The following TEX2 variants were observed in gnomAD, a reference collection of about 807,000 sequenced individuals.
The protein encoded by TEX2 is testis expressed 2.
Under a neutral mutation model 106.9 loss-of-function variants are expected in TEX2, and 53 were observed. The observed-to-expected ratio is 0.50, with a 90% CI of 0.40 to 0.62. The LOEUF (loss-of-function observed/expected upper bound fraction) is 0.62, where lower values mean the gene tolerates loss of function less well. TEX2 is among the 20% of genes least tolerant of loss of function. The probability of loss-of-function intolerance (pLI) is 0.00; values close to 1 mark genes in which losing one functional copy is unlikely to be tolerated. For missense variants in TEX2, 1,207 were observed against 1,379.0 expected, an observed-to-expected ratio of 0.88 and a Z score of 1.98; for synonymous variants, 523 against 534.8, an observed-to-expected ratio of 0.98 and a Z score of 0.30.
intron 1 of TEX2, among the ~76,000 whole-genome samples, chr17:64,253,463 C>G (rs2034130779): frequency 6.6e-6 from 1 of 152,082 alleles, no homozygotes; most frequent in African/African-American, 2.4e-5. Context: ...CCATGCCCGG[C>G]CATGATAGGA....
At chr17:64,219,817 G>A (rs1171697757) in intron 1 of TEX2, among the ~76,000 whole-genome samples, 1 of 152,194 alleles carries the variant, frequency 6.6e-6, no homozygotes, top group Non-Finnish European at 1.5e-5. Context: ...GATAAGGGAC[G>A]TGGTACACAG....
At chr17:64,166,408 C>T (rs1337593582) in intron 7 of TEX2, among the ~76,000 whole-genome samples, 1 of 152,178 alleles carries the variant, frequency 6.6e-6, no homozygotes, top group Non-Finnish European at 1.5e-5. Flanking sequence ...GGTGACCTGG[C>T]TGTAGAGCCA....
chr17:64,164,832 C>T (rs1003815137), intron 7 of TEX2, among the ~76,000 whole-genome samples: 6 of 152,250 alleles, frequency 3.9e-5, no homozygotes, highest in Non-Finnish European at 8.8e-5. Flanking sequence ...AGAGGCTCTT[C>T]TGCCTTCGGC....
chr17:64,186,825 C>CAA (rs137887178), intron 5 of TEX2, among the ~76,000 whole-genome samples: 2 of 150,330 alleles, frequency 1.3e-5, no homozygotes, highest in Non-Finnish European at 3.0e-5. Flanking sequence ...GACCTTGTCT[C>CAA]AAAAAAAAAG....
chr17:64,198,456 G>A (rs1335284967), intron 2 of TEX2, among the ~76,000 whole-genome samples: 8 of 151,814 alleles, frequency 5.3e-5, no homozygotes, highest in African/African-American at 1.2e-4. Flanking sequence ...GAAGGGCGGG[G>A]GGAAGTTGGA....
rs545611726 is a variant in TEX2, at chr17:64,209,579, T to C, written c.1644+2995A>G. On this transcript the variant is annotated intron_variant, in intron 2 of 11. Transcript: ENST00000584379. ...TAGGGGTGTCAGTCTATGAGAGCAT[T>C]AAAGTACTTGTTCTCTACAAGGAAA... Among the ~76,000 whole-genome samples, 175 of 152,330 alleles carry C rather than the reference T, an allele frequency of 1.1e-3. 1 individual carries two copies. The highest frequency in any genetic ancestry group is 2.1e-3 in the Non-Finnish European group (140 of 68,020).
chr17:64,247,990 G>A (rs1275812432), intron 1 of TEX2, among the ~76,000 whole-genome samples: 2 of 152,156 alleles, frequency 1.3e-5, no homozygotes, highest in African/African-American at 4.8e-5. Flanking sequence ...CATGGTCCTA[G>A]GGCATTTGGG....
intron 1 of TEX2, chr17:64,239,293 T>C (rs143222360): frequency 6.1e-4 from 93 of 152,344 alleles, no homozygotes; most frequent in African/African-American, 2.2e-3. Context: ...GTTCTTAGTC[T>C]TGAAATAACC....
intron 10 of TEX2, among the ~76,000 whole-genome samples, chr17:64,151,956 C>CA (rs2030379220): frequency 6.6e-6 from 1 of 151,600 alleles, no homozygotes; most frequent in Non-Finnish European, 1.5e-5. Flanking sequence ...TTTTTTTTAA[C>CA]AATGAAAATA....
At chr17:64,163,308 AT>A (rs1265473369) in intron 7 of TEX2, among the ~76,000 whole-genome samples, 4 of 151,786 alleles carry the variant, frequency 2.6e-5, no homozygotes, top group Non-Finnish European at 5.9e-5. Context: ...TATATATTTT[AT>A]TTTTGGTAGA....
intron 2 of TEX2, among the ~76,000 whole-genome samples, chr17:64,197,285 A>T (rs1203145857): frequency 6.6e-6 from 1 of 152,104 alleles, no homozygotes; most frequent in Non-Finnish European, 1.5e-5. Context: ...CAAACTATGA[A>T]TTCAATTTCT....
rs757090746 is a variant in TEX2 at position 64,188,421 on chromosome 17, G to C, written c.2177-6C>G. On this transcript the variant is annotated splice_polypyrimidine_tract_variant and splice_region_variant and intron_variant, in intron 4 of 11. Transcript: ENST00000584379. Reference sequence around the variant, plus strand: ...GCTGTGTGCAGGCAAAAGCCCTGGAGCCAAGAAGACGGGGGCTATTCACAC... The same window carrying C: ...GCTGTGTGCAGGCAAAAGCCCTGGACCCAAGAAGACGGGGGCTATTCACAC... 1.2e-6 allele frequency: 2 copies of C among 1,614,040 alleles called. No individual in the cohort carries two copies. The highest frequency in any genetic ancestry group is 1.7e-5 in the Admixed American group (1 of 60,006).
At chr17:64,246,386 C>T (rs2033988232) in intron 1 of TEX2, among the ~76,000 whole-genome samples, 1 of 152,082 alleles carries the variant, frequency 6.6e-6, no homozygotes, top group Admixed American at 6.5e-5. Context: ...GCTGTTATTA[C>T]AGGTGTGCGC....
chr17:64,151,134 T>C (rs1272374585), intron 10 of TEX2, among the ~76,000 whole-genome samples, 173 bp from the exon 11 acceptor site: 1 of 152,174 alleles, frequency 6.6e-6, no homozygotes, highest in South Asian at 2.1e-4. Flanking sequence ...GTGAACCCCC[T>C]GTGTTCCCTG....
intron 1 of TEX2, among the ~76,000 whole-genome samples, chr17:64,220,027 T>C (rs1341046149): frequency 6.6e-6 from 1 of 152,164 alleles, no homozygotes; most frequent in Non-Finnish European, 1.5e-5. Context: ...GAGAAGGCGA[T>C]GTGAAACAGA....
At chr17:64,186,783 G>A (rs188063764) in intron 5 of TEX2, among the ~76,000 whole-genome samples, 8 of 152,130 alleles carry the variant, frequency 5.3e-5, no homozygotes, top group African/African-American at 1.4e-4. Flanking sequence ...CCATGTTCAC[G>A]ACACTGCACT....
At chr17:64,228,386 C>A (rs1040965901) in intron 1 of TEX2, among the ~76,000 whole-genome samples, 9 of 152,146 alleles carry the variant, frequency 5.9e-5, no homozygotes, top group Non-Finnish European at 1.3e-4. Context: ...TTCTACAACT[C>A]ACAATAATGT....
At chr17:64,176,170 C>T (rs2031608597) in intron 6 of TEX2, among the ~76,000 whole-genome samples, 1 of 152,198 alleles carries the variant, frequency 6.6e-6, no homozygotes, top group Non-Finnish European at 1.5e-5. Context: ...CCTTCTGGCT[C>T]AGAAGGCAGC....
At chr17:64,186,224 A>G (rs1287508972) in intron 5 of TEX2, among the ~76,000 whole-genome samples, 2 of 152,184 alleles carry the variant, frequency 1.3e-5, no homozygotes, top group Non-Finnish European at 2.9e-5. Flanking sequence ...GAGAGTCCAG[A>G]CAGCTGACAG....
Sources: allele counts gnomAD v4.1 joint callset (sites outside exome capture counted in the v4.1 genomes callset), GRCh38; gene constraint gnomAD v4.1.1; transcripts MANE v1.5; gene names NCBI Gene and HGNC (gene_info 2026-07-23, HGNC 2026-07-21).